The following PANK4 variants were observed in gnomAD, a reference collection of about 807,000 sequenced individuals.
The protein encoded by PANK4 is 4'-phosphopantetheine phosphatase.
A neutral mutation model predicts 87.9 loss-of-function variants in PANK4; 40 were observed. The ratio of observed to expected loss-of-function variants is 0.46; its 90% CI spans 0.35 to 0.59. PANK4 has a LOEUF of 0.59. Ranked by LOEUF, PANK4 falls within the 20% of genes least tolerant of loss-of-function variation. The pLI is 0.00. For missense variants in PANK4, 926 were observed against 1,072.3 expected (o/e 0.86, Z 1.90); for synonymous variants, 524 against 467.4 (o/e 1.12, Z -1.56).
rs1311173818 is a variant in PANK4 at position 2,511,396 on chromosome 1, G to T, written c.1784-9C>A. 1 of 1,604,918 alleles carries T rather than the reference G, an allele frequency of 6.2e-7. No homozygotes were observed. The highest frequency in any genetic ancestry group is 8.5e-7 in the Non-Finnish European group (1 of 1,172,528). On this transcript the variant is annotated splice_polypyrimidine_tract_variant and intron_variant, in intron 14 of 18. Transcript: ENST00000378466. ...CACGAGCCAGGGTCTTTCTGAGACAGAGAGAGGGACACATGATTAGCCCGG... is the reference window on the plus strand; with the variant it reads ...CACGAGCCAGGGTCTTTCTGAGACATAGAGAGGGACACATGATTAGCCCGG...
In PANK4 at chr1:2,518,257, G is replaced by A; in HGVS notation, c.1125C>T (p.Asn375=). ...CATAGTTCTCTCCCCAGCTGTACTG[G>A]TTAGGATCTGGAAAGCAAGAAGCCA... ...FLKGAEQDNP[N]QYSWGENYAG... Residue 375 remains asparagine, a synonymous_variant, in exon 9 of 19, where the codon AAC becomes AAT. Transcript: ENST00000378466. The A allele has an allele frequency of 3.1e-6, 5 of 1,610,036 alleles. No homozygotes were observed. Among genetic ancestry groups the A allele is most frequent in the Non-Finnish European group, 4.2e-6 (5 of 1,178,014 alleles).
At position 2,519,145 on chromosome 1, in the gene PANK4, T is replaced by C. The variant is rs1358205996; in HGVS notation, c.1033A>G (p.Lys345Glu). ...TITYSINFFS[K>E]GEVQALFLRH... ...GGGGAGGGCGGCGCATCCGTTACCTTGGAGAAGAAGTTGATGCTATAGGTG... is the reference window on the plus strand; with the variant it reads ...GGGGAGGGCGGCGCATCCGTTACCTCGGAGAAGAAGTTGATGCTATAGGTG... Residue 345 changes from lysine to glutamate, a missense_variant and splice_region_variant, in exon 7 of 19, where the codon AAG (lysine) becomes GAG (glutamate). Coordinates refer to ENST00000378466, the MANE Select transcript of PANK4 (RefSeq NM_018216.4). The surrounding 1 kb of genome is among the most constrained non-coding windows in gnomAD (Gnocchi z 8.3). The C allele has an allele frequency of 1.2e-6, 2 of 1,610,902 alleles. No individual in the cohort carries two copies. The highest frequency in any genetic ancestry group is 8.5e-7 in the Non-Finnish European group (1 of 1,178,872).
In PANK4 at chr1:2,513,044, G is replaced by A. The variant is rs374153941; in HGVS notation, c.1576-5C>T. The A allele has an allele frequency of 3.5e-5, 55 of 1,591,422 alleles. No individual in the cohort carries two copies. In the African/African-American group the frequency reaches 7.1e-4, roughly 21 times the overall value. ...GCCATTCTCCCGCTGCTTCACCTGT[G>A]GAGAGTGCCAGATGCCAGGCCTGAG... is the stretch of plus-strand genomic sequence containing the variant. On this transcript the variant is annotated splice_region_variant and splice_polypyrimidine_tract_variant and intron_variant, in intron 12 of 18. Transcript: ENST00000378466.
intron 14 of PANK4, 70 bp downstream of exon 14, chr1:2,511,558 G>A (rs1023930905): frequency 1.6e-5 from 19 of 1,200,948 alleles, no homozygotes; most frequent in Middle Eastern, 1.9e-4. Flanking sequence ...AACTGCATTC[G>A]CTGTTGCAGA....
intron 1 of PANK4, among the ~76,000 whole-genome samples, chr1:2,523,556 T>G (rs1010548946): frequency 1.3e-5 from 2 of 152,046 alleles, no homozygotes; most frequent in African/African-American, 4.8e-5. Flanking sequence ...GTTAAATACA[T>G]GCCCAAACAG....
In PANK4 at chr1:2,519,146, G is replaced by A; in HGVS notation, c.1032C>T (p.Ser344=). The change falls in exon 7 of 19, where the codon TCC becomes TCT. Residue 344 remains serine (S), a synonymous_variant. Transcript: ENST00000378466. The surrounding 1 kb of genome is among the most constrained non-coding windows in gnomAD (Gnocchi z 8.3). ...GGGAGGGCGGCGCATCCGTTACCTT[G>A]GAGAAGAAGTTGATGCTATAGGTGA... ...RTITYSINFF[S]KGEVQALFLR... The A allele has an allele frequency of 1.2e-6, 2 of 1,611,470 alleles. No homozygotes were observed. Among genetic ancestry groups the A allele is most frequent in the Non-Finnish European group, 1.7e-6 (2 of 1,179,126 alleles).
intron 13 of PANK4, 30 bp from the exon 14 acceptor site, chr1:2,511,713 G>A (rs1414482085): frequency 1.4e-6 from 2 of 1,458,986 alleles, no homozygotes; most frequent in Non-Finnish European, 1.9e-6. Context: ...AGAAAATTAA[G>A]ACAACAGAAC....
At position 2,523,753 on chromosome 1, in the gene PANK4, AGCAGAGGGAACC is replaced by A. The variant is rs755721374; in HGVS notation, c.125-1965_125-1954del. On this transcript the variant is annotated intron_variant, in intron 1 of 18. Coordinates refer to ENST00000378466, the MANE Select transcript of PANK4 (RefSeq NM_018216.4). ...CACGCACAGCAGGGAGATCTGTTAG[AGCAGAGGGAACC>A]GCCTGCGGGCGGGGACCCTTCCGGG... Among the ~76,000 whole-genome samples, 138 of 152,206 alleles carry A rather than the reference AGCAGAGGGAACC, an allele frequency of 9.1e-4. 1 individual carries two copies. Among genetic ancestry groups the A allele is most frequent in the Admixed American group, 2.1e-3 (32 of 15,288 alleles).
At position 2,520,786 on chromosome 1, in the gene PANK4, G is replaced by T. The variant is rs1410573675; in HGVS notation, c.543C>A (p.Thr181=). 1 of 1,613,250 alleles carries T rather than the reference G, an allele frequency of 6.2e-7. No individual in the cohort carries two copies. Among genetic ancestry groups the T allele is most frequent in the Non-Finnish European group, 8.5e-7 (1 of 1,179,760 alleles). The stretch of plus-strand genomic sequence containing the variant: ...GATAGGGGAAAATGTGGGGGTGGTT[G>T]GTCTGGAACCGGAACTCAGGGTCGG... ...KDSDPEFRFQ[T]NHPHIFPYLL... is the part of the protein sequence containing the mutation. Residue 181 remains threonine (T), a synonymous_variant, in exon 4 of 19, where the codon ACC becomes ACA. Transcript: ENST00000378466. This position sits in a 1 kb window ranked among gnomAD's most constrained non-coding sequence, Gnocchi z 6.2.
chr1:2,523,415 G>A (rs891285672), intron 1 of PANK4, among the ~76,000 whole-genome samples: 1 of 152,206 alleles, frequency 6.6e-6, no homozygotes, highest in African/African-American at 2.4e-5. Context: ...ACTCACCTCA[G>A]TAAATAAATC....
chr1:2,520,784 T>C lies in PANK4; in HGVS notation c.545A>G (p.Asn182Ser), dbSNP rs755912095. Residue 182 changes from asparagine to serine, a missense_variant, in exon 4 of 19, where the codon AAC becomes AGC. Coordinates refer to ENST00000378466, the MANE Select transcript of PANK4 (RefSeq NM_018216.4). The surrounding 1 kb of genome is among the most constrained non-coding windows in gnomAD (Gnocchi z 6.2). ...DSDPEFRFQT[N>S]HPHIFPYLLV... is the part of the protein sequence containing the mutation. Reference sequence around the variant, plus strand: ...AAGATAGGGGAAAATGTGGGGGTGGTTGGTCTGGAACCGGAACTCAGGGTC... The same window carrying C: ...AAGATAGGGGAAAATGTGGGGGTGGCTGGTCTGGAACCGGAACTCAGGGTC... 23 of 1,613,410 alleles carry C rather than the reference T, an allele frequency of 1.4e-5. No individual in the cohort carries two copies. Among genetic ancestry groups the C allele is most frequent in the East Asian group, 2.2e-5 (1 of 44,878 alleles).
intron 11 of PANK4, 25 bp from the exon 12 acceptor site, chr1:2,514,114 G>A (rs372382091): frequency 1.2e-4 from 193 of 1,577,580 alleles, no homozygotes; most frequent in Non-Finnish European, 1.6e-4. Flanking sequence ...GGCAGAGGGC[G>A]CTGAGCAGGG....
chr1:2,519,974 G>A lies in PANK4; in HGVS notation c.700-20C>T, dbSNP rs1358892925. On this transcript the variant is annotated intron_variant, in intron 5 of 18. Transcript: ENST00000378466. This position sits in a 1 kb window ranked among gnomAD's most constrained non-coding sequence, Gnocchi z 8.3. ...AAACTTCTGCAGGACACGGCGAGGG[G>A]GCGGGTGAGGCGCCAGGAGCTGCTG... The A allele has an allele frequency of 1.8e-5, 28 of 1,530,392 alleles. No homozygotes were observed. Among genetic ancestry groups the A allele is most frequent in the African/African-American group, 2.7e-5 (2 of 72,898 alleles). 94.8% of individuals were successfully genotyped at this position (1,530,392 alleles called of 1,614,324 possible).
At chr1:2,511,495 CGAA>C (rs1643661253) in intron 14 of PANK4, 108 bp from the exon 15 acceptor site, 1 of 1,107,580 alleles carries the variant, frequency 9.0e-7, no homozygotes, top group Non-Finnish European at 1.4e-6. Flanking sequence ...TCCCCGCCCC[CGAA>C]GCCCAGCTGA....
At position 2,508,613 on chromosome 1, in the gene PANK4, T is replaced by C. The variant is rs1643606421; in HGVS notation, c.*234A>G. The C allele has an allele frequency of 7.4e-6, 1 of 135,540 alleles. No homozygotes were observed. The highest frequency in any genetic ancestry group is 1.2e-5 in the Non-Finnish European group (1 of 85,742). The allele number at this position is 135,540 out of a possible 1,614,324, so 8.4% of individuals were successfully genotyped here. A position where few individuals can be genotyped will look rare whatever the true frequency, so the allele number is the denominator to read the frequency against. On this transcript the variant is annotated 3_prime_UTR_variant, in exon 19 of 19. Transcript: ENST00000378466. The surrounding 1 kb of genome is among the most constrained non-coding windows in gnomAD (Gnocchi z 5.1). ...ACATACCTGTATAGATCTCTCTATT[T>C]ATATATATATATATATAAAAGGTTC...
chr1:2,522,774 G>A (rs1643886082), intron 1 of PANK4, among the ~76,000 whole-genome samples: 1 of 151,300 alleles, frequency 6.6e-6, no homozygotes, highest in Non-Finnish European at 1.5e-5. Context: ...TAACTTAACG[G>A]AGGGGACCGT....
intron 1 of PANK4, among the ~76,000 whole-genome samples, chr1:2,523,179 G>A (rs1456274489): frequency 1.3e-5 from 2 of 152,222 alleles, no homozygotes; most frequent in Non-Finnish European, 2.9e-5. Flanking sequence ...AGCCAATGCT[G>A]TTCATGTAGC....
At chr1:2,522,645 G>A (rs887443852) in intron 1 of PANK4, among the ~76,000 whole-genome samples, 12 of 152,154 alleles carry the variant, frequency 7.9e-5, no homozygotes, top group Non-Finnish European at 1.8e-4. Context: ...CAACATGAAT[G>A]ACAAATAGAA....
rs1444153925 is a variant in PANK4, at chr1:2,510,846, C to T, written c.1834-64G>A. ...GCATCCAAGCGAGTCAGTCCGCACC[C>T]CTGCTGCCCGTCACGCTGCCCTGCA... On this transcript the variant is annotated intron_variant, in intron 15 of 18. Transcript: ENST00000378466. The surrounding 1 kb of genome is among the most constrained non-coding windows in gnomAD (Gnocchi z 4.9). The T allele has an allele frequency of 1.0e-6, 1 of 954,670 alleles. No individual in the cohort carries two copies. The allele number at this position is 954,670 out of a possible 1,614,324, so 59.1% of individuals were successfully genotyped here.
Sources: gnomAD v4.1 joint callset for allele counts (sites outside exome capture counted in the v4.1 genomes callset) on GRCh38, gnomAD v4.1.1 for gene constraint, Gnocchi (gnomAD v3.1) non-coding constraint, MANE v1.5 for transcripts, NCBI Gene and HGNC (gene_info 2026-07-23, HGNC 2026-07-21) for gene names.